Variants in PI4KA observed in about 807,000 individuals in gnomAD.
PI4KA encodes the protein PI4-kinase alpha.
In PI4KA, 122 loss-of-function variants were observed where a neutral mutation model predicts 271.4. The observed-to-expected ratio is 0.45, with a 90% CI of 0.39 to 0.52. The LOEUF is 0.52. PI4KA is among the 20% of genes least tolerant of loss of function. The pLI is 0.00. For missense variants in PI4KA, 1,969 were observed against 2,769.1 expected (o/e 0.71, Z 6.48); for synonymous variants, 1,041 against 1,078.8 (o/e 0.96, Z 0.69).
At chr22:20,742,197 C>T in intron 32 of PI4KA, 31 bp downstream of exon 32, 2 of 1,609,708 alleles carry the variant, frequency 1.2e-6, no homozygotes, top group Non-Finnish European at 1.7e-6. Context: ...CCCATCCCAT[C>T]CTCACTGCCA....
In PI4KA at chr22:20,751,335, G is replaced by C. The variant is rs921822643; in HGVS notation, c.3111C>G (p.Ala1037=). The C allele has an allele frequency of 6.2e-7, 1 of 1,614,084 alleles. No homozygotes were observed. Among genetic ancestry groups the C allele is most frequent in the African/African-American group, 1.3e-5 (1 of 75,016 alleles). The part of the protein sequence containing the change: ...KDQPYYDIPD[A]PYRITVPDTY... Reference sequence around the variant, plus strand: ...TGTCAGGAACCGTGATCCGGTAGGGGGCGTCGGGGATGTCATAGTAAGGCT... The same window carrying C: ...TGTCAGGAACCGTGATCCGGTAGGGCGCGTCGGGGATGTCATAGTAAGGCT... The change falls in exon 27 of 55, where the codon GCC becomes GCG. Residue 1037 remains alanine (A), a synonymous_variant. Coordinates refer to ENST00000255882, the MANE Select transcript of PI4KA (RefSeq NM_058004.4).
chr22:20,737,634 CTTT>C (rs760945752), intron 32 of PI4KA, among the ~76,000 whole-genome samples: 5 of 141,310 alleles, frequency 3.5e-5, no homozygotes, highest in Non-Finnish European at 7.7e-5. Flanking sequence ...TACTCTTTTT[CTTT>C]TTTTTTTTTT....
intron 4 of PI4KA, among the ~76,000 whole-genome samples, chr22:20,820,894 A>G (rs1337094088): frequency 1.3e-5 from 2 of 152,092 alleles, no homozygotes; most frequent in Non-Finnish European, 2.9e-5. Context: ...CTCTATTAAC[A>G]TATTCTGTAA....
intron 27 of PI4KA, among the ~76,000 whole-genome samples, chr22:20,750,405 C>T (rs1373991467): frequency 6.6e-6 from 1 of 152,240 alleles, no homozygotes; most frequent in Non-Finnish European, 1.5e-5. Flanking sequence ...AACTGTAAGA[C>T]AATCAATGTC....
At chr22:20,728,567 TG>T (rs1240641119) in intron 39 of PI4KA, among the ~76,000 whole-genome samples, 36 of 152,360 alleles carry the variant, frequency 2.4e-4, no homozygotes, top group African/African-American at 8.4e-4. Context: ...ACAAGGCACC[TG>T]GTCCATGAAG....
intron 39 of PI4KA, among the ~76,000 whole-genome samples, chr22:20,728,553 G>T (rs1927638512): frequency 6.6e-6 from 1 of 152,156 alleles, no homozygotes; most frequent in African/African-American, 2.4e-5. Flanking sequence ...ACAGTCCAGG[G>T]GCCACAAGGC....
intron 11 of PI4KA, 71 bp downstream of exon 11, chr22:20,804,903 G>T: frequency 7.8e-7 from 1 of 1,289,950 alleles, no homozygotes. Context: ...AGTAGTTTGG[G>T]GAAACTTGTG....
intron 10 of PI4KA, among the ~76,000 whole-genome samples, chr22:20,806,887 C>T (rs1232906061): frequency 6.6e-6 from 1 of 151,744 alleles, no homozygotes; most frequent in African/African-American, 2.4e-5. Flanking sequence ...CATGCCACTG[C>T]GCCTGGCTAA....
intron 19 of PI4KA, among the ~76,000 whole-genome samples, chr22:20,774,500 C>T (rs560878319): frequency 2.0e-5 from 3 of 152,170 alleles, no homozygotes; most frequent in Admixed American, 6.5e-5. Flanking sequence ...CAGTGGCTCA[C>T]GCCTGTAATC....
chr22:20,828,845 G>A (rs1055429326), intron 3 of PI4KA, among the ~76,000 whole-genome samples: 2 of 152,138 alleles, frequency 1.3e-5, no homozygotes, highest in South Asian at 4.1e-4. Context: ...GAGCCACCAC[G>A]CCTGGCCTGT....
chr22:20,729,162 G>T, intron 39 of PI4KA, 151 bp downstream of exon 39: 1 of 653,310 alleles, frequency 1.5e-6, no homozygotes. Flanking sequence ...AGGGCTCGGG[G>T]AGTGTCCTGG....
chr22:20,853,604 G>A (rs165888), intron 1 of PI4KA, among the ~76,000 whole-genome samples: 3 of 152,040 alleles, frequency 2.0e-5, no homozygotes, highest in African/African-American at 7.2e-5. Context: ...GGGCTTCACA[G>A]ACAGAGTGTC....
At chr22:20,787,294 T>C in intron 19 of PI4KA, 4 of 565,156 alleles carry the variant, frequency 7.1e-6, no homozygotes, top group Admixed American at 2.9e-5. Context: ...GTAACTGTAG[T>C]GTGTCTGCTG....
At chr22:20,804,451 T>G (rs756673063) in intron 11 of PI4KA, 51 bp from the exon 12 acceptor site, 2 of 1,202,124 alleles carry the variant, frequency 1.7e-6, no homozygotes, top group South Asian at 1.2e-5. Context: ...GGCCAGTCTT[T>G]CTAACACACT....
At chr22:20,781,468 G>T (rs915556292) in intron 19 of PI4KA, among the ~76,000 whole-genome samples, 1 of 152,218 alleles carries the variant, frequency 6.6e-6, no homozygotes, top group African/African-American at 2.4e-5. Context: ...GGCGAAGGAA[G>T]GAGACCCCCC....
At chr22:20,767,443 CA>C (rs544560327) in intron 19 of PI4KA, among the ~76,000 whole-genome samples, 4,892 of 132,828 alleles carry the variant, frequency 0.037, 258 homozygotes, top group African/African-American at 0.12. Flanking sequence ...GACTCTGTCT[CA>C]AAAAAAAAAA....
rs189397401 is a variant in PI4KA, at chr22:20,824,519, G to C, written c.368-105C>G. ...TCCCTCTCACCATGACCTGCCAAGG[G>C]ACCAGTTTACAGCAGCTGCCCTCCT... On this transcript the variant is annotated intron_variant, in intron 3 of 54. Coordinates refer to ENST00000255882, the MANE Select transcript of PI4KA (RefSeq NM_058004.4). 111 of 746,862 alleles carry C rather than the reference G, an allele frequency of 1.5e-4. No homozygotes were observed. The African/African-American group carries it at 1.9e-3, about 13-fold the overall frequency. 46.3% of individuals were successfully genotyped at this position (746,862 alleles called of 1,614,324 possible).
chr22:20,855,331 T>C (rs1412315252), intron 1 of PI4KA, among the ~76,000 whole-genome samples: 2 of 152,262 alleles, frequency 1.3e-5, no homozygotes, highest in East Asian at 3.9e-4. Context: ...GTTTGTTACA[T>C]ATGTATACAT....
intron 1 of PI4KA, among the ~76,000 whole-genome samples, chr22:20,849,218 G>A (rs1194572432): frequency 6.6e-6 from 1 of 152,160 alleles, no homozygotes; most frequent in Non-Finnish European, 1.5e-5. Flanking sequence ...ACAATGTAAA[G>A]AAAACAAGCC....
Sources: gnomAD v4.1 joint callset for allele counts (sites outside exome capture counted in the v4.1 genomes callset) on GRCh38, gnomAD v4.1.1 for gene constraint, MANE v1.5 for transcripts, NCBI Gene and HGNC (gene_info 2026-07-23, HGNC 2026-07-21) for gene names.